Variants in NBEA observed in about 807,000 individuals in gnomAD.
NBEA encodes neurobeachin, also known as lysosomal-trafficking regulator 2.
Under a neutral mutation model 343.4 loss-of-function variants are expected in NBEA, and 44 were observed. That is an observed-to-expected ratio of 0.13 (90% CI 0.10 to 0.16). The LOEUF (loss-of-function observed/expected upper bound fraction) is 0.16. NBEA is among the 10% of genes least tolerant of loss of function. The probability of loss-of-function intolerance (pLI) is 1.00; values close to 1 mark genes in which losing one functional copy is unlikely to be tolerated. For synonymous variants in NBEA, 1,175 were observed against 1,238.7 expected (o/e 0.95, Z 1.08); for missense variants, 2,555 against 3,631.3 (o/e 0.70, Z 7.62).
intron 17 of NBEA, among the ~76,000 whole-genome samples, chr13:35,131,054 C>T (rs2067395977): frequency 6.6e-6 from 1 of 151,788 alleles, no homozygotes; most frequent in Non-Finnish European, 1.5e-5. Flanking sequence ...TTTCTAGGTT[C>T]TCGGTTATGC....
At chr13:35,333,752 T>A (rs546709043) in intron 36 of NBEA, among the ~76,000 whole-genome samples, 12 of 152,234 alleles carry the variant, frequency 7.9e-5, no homozygotes, top group African/African-American at 1.4e-4. Flanking sequence ...TGAGTTCAAT[T>A]GTTTTGAATT....
intron 43 of NBEA, among the ~76,000 whole-genome samples, chr13:35,552,730 G>C (rs1414869549): frequency 6.6e-6 from 1 of 152,062 alleles, no homozygotes; most frequent in African/African-American, 2.4e-5. Context: ...TACTAATAGA[G>C]GTTTCTATAT....
intron 38 of NBEA, among the ~76,000 whole-genome samples, chr13:35,366,470 A>G (rs1291188903): frequency 2.0e-5 from 3 of 151,298 alleles, no homozygotes; most frequent in Non-Finnish European, 4.4e-5. Flanking sequence ...TTTAAATAGC[A>G]GTTTAAAATT....
intron 16 of NBEA, among the ~76,000 whole-genome samples, chr13:35,119,606 T>G (rs1009222832): frequency 3.9e-5 from 6 of 152,058 alleles, no homozygotes; most frequent in African/African-American, 1.4e-4. Flanking sequence ...TGAGACAGAG[T>G]CTTGCTCTGT....
At chr13:35,619,502 C>CA (rs1445850104) in intron 48 of NBEA, among the ~76,000 whole-genome samples, 1 of 152,174 alleles carries the variant, frequency 6.6e-6, no homozygotes, top group Non-Finnish European at 1.5e-5. Flanking sequence ...AACACTCCCC[C>CA]ACCCAACCAC....
rs535704645 is a variant in NBEA at position 35,432,338 on chromosome 13, C to T, written c.6249C>T (p.Arg2083=). Residue 2083 remains arginine (R), a synonymous_variant, in exon 39 of 59, where the codon CGC becomes CGT. Transcript: ENST00000379939. ...DDLRRRRRFV[R]NAFGSTHAEA... Reference sequence around the variant, plus strand: ...TTCGTCGAAGGAGACGATTTGTTCGCAATGCATTTGGCTCCACTCATGCTG... The same window carrying T: ...TTCGTCGAAGGAGACGATTTGTTCGTAATGCATTTGGCTCCACTCATGCTG... The T allele has an allele frequency of 1.2e-6, 2 of 1,609,432 alleles. No individual in the cohort carries two copies. Among genetic ancestry groups the T allele is most frequent in the Non-Finnish European group, 1.7e-6 (2 of 1,177,672 alleles).
At chr13:35,648,345 C>A (rs1489309708) in intron 51 of NBEA, among the ~76,000 whole-genome samples, 1 of 152,068 alleles carries the variant, frequency 6.6e-6, no homozygotes, top group Non-Finnish European at 1.5e-5. Flanking sequence ...CGTATAAACC[C>A]CTCAGCCACA....
intron 36 of NBEA, among the ~76,000 whole-genome samples, chr13:35,325,093 C>T (rs975050584): frequency 2.6e-5 from 4 of 151,822 alleles, no homozygotes; most frequent in East Asian, 1.9e-4. Flanking sequence ...TAATGCTGAT[C>T]GGGTTTTATA....
intron 38 of NBEA, among the ~76,000 whole-genome samples, chr13:35,412,492 T>C (rs2152917900): frequency 6.6e-6 from 1 of 152,276 alleles, no homozygotes; most frequent in South Asian, 2.1e-4. Flanking sequence ...ATTTTAACTA[T>C]AAGTTTGTTT....
intron 39 of NBEA, among the ~76,000 whole-genome samples, chr13:35,437,641 T>C (rs1249398115): frequency 6.6e-6 from 1 of 152,162 alleles, no homozygotes; most frequent in African/African-American, 2.4e-5. Flanking sequence ...GTTATTTAGG[T>C]GTTTTCTAAT....
rs992225374 is a variant in NBEA, at chr13:34,989,707, A to G, written c.294+46593A>G. Among the ~76,000 whole-genome samples, 6 of 150,764 alleles carry G rather than the reference A, an allele frequency of 4.0e-5. No homozygotes were observed. In the South Asian group the frequency reaches 1.1e-3, roughly 27 times the overall value. ...ATGTCCTTGTCACCTTTCAAAGCAC[A>G]GTCATGGCTTCCAAACAGACCCCCA... On this transcript the variant is annotated intron_variant, in intron 1 of 58. Transcript: ENST00000379939.
chr13:35,610,698 A>G (rs1386945492), intron 48 of NBEA, among the ~76,000 whole-genome samples: 1 of 152,136 alleles, frequency 6.6e-6, no homozygotes, highest in Admixed American at 6.5e-5. Flanking sequence ...GAAAACATTG[A>G]TACACTGGAC....
chr13:35,200,253 G>A (rs1180623844), intron 31 of NBEA, among the ~76,000 whole-genome samples: 1 of 151,862 alleles, frequency 6.6e-6, no homozygotes, highest in Non-Finnish European at 1.5e-5. Flanking sequence ...TATTTTTCAT[G>A]TACTGTGTAA....
intron 45 of NBEA, among the ~76,000 whole-genome samples, chr13:35,581,344 G>A (rs1427752896): frequency 2.0e-5 from 3 of 151,938 alleles, no homozygotes; most frequent in Admixed American, 6.6e-5. Context: ...TCTCATTGCG[G>A]TTTTGATTTG....
chr13:35,476,849 C>T, intron 41 of NBEA: 1 of 1,004,396 alleles, frequency 1.0e-6, no homozygotes, highest in Non-Finnish European at 1.2e-6. Flanking sequence ...TAGGAGGCTG[C>T]TGCCGGCGGA....
chr13:35,011,697 C>G (rs2061498613), intron 1 of NBEA, among the ~76,000 whole-genome samples: 1 of 152,070 alleles, frequency 6.6e-6, no homozygotes. Context: ...TCTCGTACTA[C>G]TCCTAAGAAT....
chr13:35,457,770 A>G (rs536157025), intron 40 of NBEA, among the ~76,000 whole-genome samples: 3 of 151,990 alleles, frequency 2.0e-5, no homozygotes, highest in Non-Finnish European at 4.4e-5. Context: ...CACCACGCCC[A>G]GCTAATTTTT....
intron 1 of NBEA, among the ~76,000 whole-genome samples, chr13:34,976,558 G>C (rs1464026003): frequency 6.6e-6 from 1 of 151,674 alleles, no homozygotes; most frequent in Non-Finnish European, 1.5e-5. Context: ...CCTGGTCTCT[G>C]AAAACCTATT....
At chr13:35,618,567 C>G (rs1219068165) in intron 48 of NBEA, among the ~76,000 whole-genome samples, 1 of 152,066 alleles carries the variant, frequency 6.6e-6, no homozygotes, top group Non-Finnish European at 1.5e-5. Flanking sequence ...ACTAGAAAAC[C>G]TGGAAAAGCG....
Sources: gnomAD v4.1 joint callset for allele counts (sites outside exome capture counted in the v4.1 genomes callset) on GRCh38, gnomAD v4.1.1 for gene constraint, MANE v1.5 for transcripts, NCBI Gene and HGNC (gene_info 2026-07-23, HGNC 2026-07-21) for gene names.